The following SLC71A2 variants were observed in gnomAD, a reference collection of about 807,000 sequenced individuals.
The protein encoded by SLC71A2 is solute carrier family 71 member 2.
chr9:94,397,422 A>G, the SLC71A2 span, among the ~76,000 whole-genome samples: 3 of 152,054 alleles, frequency 2.0e-5, no homozygotes, highest in African/African-American at 7.2e-5. Context: ...CGCTCTTCAA[A>G]CAAGCAAAAA....
chr9:94,436,296 T>A, the SLC71A2 span, among the ~76,000 whole-genome samples: 1 of 152,186 alleles, frequency 6.6e-6, no homozygotes, highest in East Asian at 1.9e-4. Flanking sequence ...ATCAGTGATA[T>A]TTCTCCAGAG....
At chr9:94,419,388 G>C in the SLC71A2 span, among the ~76,000 whole-genome samples, 1 of 151,404 alleles carries the variant, frequency 6.6e-6, no homozygotes. Context: ...CCGCCTCCTG[G>C]ATTCGAGCGA....
chr9:94,408,151 A>C, the SLC71A2 span, among the ~76,000 whole-genome samples: 2 of 152,196 alleles, frequency 1.3e-5, no homozygotes, highest in Non-Finnish European at 2.9e-5. Flanking sequence ...AGATTTTTCA[A>C]CTTTACCTTG....
At chr9:94,459,486 A>T in the SLC71A2 span, 1 of 1,521,926 alleles carries the variant, frequency 6.6e-7, no homozygotes, top group Non-Finnish European at 9.0e-7. Context: ...TGGTGACTTC[A>T]TGGTGCTGGA....
At chr9:94,412,127 C>A in the SLC71A2 span, among the ~76,000 whole-genome samples, 7 of 152,140 alleles carry the variant, frequency 4.6e-5, no homozygotes, top group Admixed American at 4.6e-4. Flanking sequence ...ATGTCTGATA[C>A]TGAGAACTTG....
the SLC71A2 span, chr9:94,454,176 T>A: frequency 1.3e-6 from 1 of 746,588 alleles, no homozygotes; most frequent in Non-Finnish European, 2.3e-6. Flanking sequence ...TTTTGCTGGT[T>A]TGGTGTATTC....
At chr9:94,433,916 C>T in the SLC71A2 span, among the ~76,000 whole-genome samples, 1 of 152,122 alleles carries the variant, frequency 6.6e-6, no homozygotes, top group Non-Finnish European at 1.5e-5. Flanking sequence ...AATGATTTTT[C>T]TCATAAACTT....
chr9:94,458,552 T>C, the SLC71A2 span: 1 of 1,255,828 alleles, frequency 8.0e-7, no homozygotes, highest in Non-Finnish European at 1.2e-6. Context: ...GAGCATTCTT[T>C]CTTGTATGTT....
the SLC71A2 span, among the ~76,000 whole-genome samples, chr9:94,419,392 C>G: frequency 1.3e-5 from 2 of 149,990 alleles, no homozygotes; most frequent in Non-Finnish European, 1.5e-5. Flanking sequence ...CTCCTGGATT[C>G]GAGCGATTCT....
chr9:94,452,914 T>G, the SLC71A2 span, among the ~76,000 whole-genome samples: 4 of 151,708 alleles, frequency 2.6e-5, no homozygotes, highest in Non-Finnish European at 5.9e-5. Flanking sequence ...GCCTAGGGGT[T>G]GTTTTCCCTG....
the SLC71A2 span, among the ~76,000 whole-genome samples, chr9:94,439,953 T>G: frequency 6.6e-6 from 1 of 152,184 alleles, no homozygotes; most frequent in African/African-American, 2.4e-5. Flanking sequence ...TAATGAATAT[T>G]AGTAAATCAA....
At chr9:94,400,877 A>T in the SLC71A2 span, among the ~76,000 whole-genome samples, 1 of 151,888 alleles carries the variant, frequency 6.6e-6, no homozygotes, top group Non-Finnish European at 1.5e-5. Flanking sequence ...ATTTAACCCT[A>T]CCCTCCAACT....
At chr9:94,456,418 C>A in the SLC71A2 span, 2 of 1,097,128 alleles carry the variant, frequency 1.8e-6, no homozygotes, top group Non-Finnish European at 2.8e-6. Context: ...CTGAGTTCTC[C>A]CCATCAACAG....
At chr9:94,407,025 C>G in the SLC71A2 span, among the ~76,000 whole-genome samples, 1 of 151,990 alleles carries the variant, frequency 6.6e-6, no homozygotes, top group African/African-American at 2.4e-5. Flanking sequence ...TCCAGCCTTT[C>G]CCCATTGAAT....
At chr9:94,458,530 C>A in the SLC71A2 span, 1 of 1,483,450 alleles carries the variant, frequency 6.7e-7, no homozygotes, top group Non-Finnish European at 9.3e-7. Context: ...ATCTTGTGAC[C>A]TTAAATTTGG....
At chr9:94,452,666 TTC>T in the SLC71A2 span, among the ~76,000 whole-genome samples, 2 of 50,042 alleles carry the variant, frequency 4.0e-5, no homozygotes, top group African/African-American at 1.8e-4. Context: ...TTCATATATA[TTC>T]ATATATATTC....
the SLC71A2 span, among the ~76,000 whole-genome samples, chr9:94,422,045 G>A: frequency 3.9e-5 from 6 of 152,050 alleles, no homozygotes; most frequent in South Asian, 4.2e-4. Flanking sequence ...CCCGAGTCCC[G>A]GCTAGTTTTT....
At chr9:94,411,448 AG>A in the SLC71A2 span, among the ~76,000 whole-genome samples, 1 of 151,630 alleles carries the variant, frequency 6.6e-6, no homozygotes, top group African/African-American at 2.4e-5. Flanking sequence ...AGGTGTTATC[AG>A]TTTGATTATT....
chr9:94,441,127 T>A, the SLC71A2 span: 1 of 1,259,654 alleles, frequency 7.9e-7, no homozygotes, highest in Non-Finnish European at 1.1e-6. Context: ...ATATATTTTT[T>A]AACCAGAATA....
Sources: gnomAD v4.1 joint callset for allele counts (sites outside exome capture counted in the v4.1 genomes callset) on GRCh38, gnomAD v4.1.1 for gene constraint, MANE v1.5 for transcripts, NCBI Gene and HGNC (gene_info 2026-07-23, HGNC 2026-07-21) for gene names.